The following XKR4 variants were observed in gnomAD, a reference collection of about 807,000 sequenced individuals.
XKR4 encodes XK-related protein 4.
Under a neutral mutation model 53.9 loss-of-function variants are expected in XKR4, and 12 were observed. The ratio of observed to expected loss-of-function variants is 0.22; its 90% CI spans 0.14 to 0.36. XKR4 has a LOEUF of 0.36. Among genes scored for constraint, XKR4 ranks in the 10% least tolerant of loss-of-function variants. The pLI, the probability that XKR4 is intolerant of heterozygous loss-of-function variation, is 1.00. For missense variants in XKR4, 799 were observed against 859.5 expected, an observed-to-expected ratio of 0.93 and a Z score of 0.88; for synonymous variants, 354 against 362.4, an observed-to-expected ratio of 0.98 and a Z score of 0.26.
chr8:55,173,454 T>A (rs773247597), intron 1 of XKR4, among the ~76,000 whole-genome samples: 13 of 152,232 alleles, frequency 8.5e-5, no homozygotes, highest in Non-Finnish European at 1.5e-4. Context: ...ATTCTGTTTC[T>A]GAAAGAACGT....
At chr8:55,150,706 T>C (rs1259467277) in intron 1 of XKR4, among the ~76,000 whole-genome samples, 1 of 152,166 alleles carries the variant, frequency 6.6e-6, no homozygotes, top group Non-Finnish European at 1.5e-5. Context: ...CTTCTAAGCA[T>C]CTCTTATATA....
intron 2 of XKR4, among the ~76,000 whole-genome samples, chr8:55,461,087 A>C (rs1805649254): frequency 6.6e-6 from 1 of 152,244 alleles, no homozygotes; most frequent in Non-Finnish European, 1.5e-5. Flanking sequence ...TAACCTCTGC[A>C]GACTTAAATG....
At chr8:55,211,848 C>A (rs1316486164) in intron 1 of XKR4, among the ~76,000 whole-genome samples, 1 of 152,078 alleles carries the variant, frequency 6.6e-6, no homozygotes, top group South Asian at 2.1e-4. Context: ...GGACCATGGC[C>A]CATGACAGAG....
chr8:55,263,230 C>T (rs762723627), intron 1 of XKR4, among the ~76,000 whole-genome samples: 1 of 152,202 alleles, frequency 6.6e-6, no homozygotes. Flanking sequence ...TGGAGTGTCA[C>T]TACCCCATGT....
intron 1 of XKR4, among the ~76,000 whole-genome samples, chr8:55,267,808 T>C (rs1349772325): frequency 6.6e-6 from 1 of 152,198 alleles, no homozygotes; most frequent in Non-Finnish European, 1.5e-5. Flanking sequence ...ATCTAAGAGC[T>C]TCTTCCATCC....
chr8:55,318,573 C>T (rs952455253), intron 1 of XKR4, among the ~76,000 whole-genome samples: 1 of 152,186 alleles, frequency 6.6e-6, no homozygotes, highest in Admixed American at 6.5e-5. Context: ...TTGCTTTGGG[C>T]TTGCATCACC....
chr8:55,300,777 G>A (rs193255098), intron 1 of XKR4, among the ~76,000 whole-genome samples: 5 of 152,158 alleles, frequency 3.3e-5, no homozygotes, highest in Middle Eastern at 3.4e-3. Context: ...CAGGATGATC[G>A]CCCCAACAAA....
At chr8:55,429,283 G>T (rs964749468) in intron 2 of XKR4, among the ~76,000 whole-genome samples, 2 of 152,030 alleles carry the variant, frequency 1.3e-5, no homozygotes, top group African/African-American at 4.8e-5. Context: ...ATTCAAAATG[G>T]ATAACAGACT....
intron 1 of XKR4, among the ~76,000 whole-genome samples, chr8:55,302,555 G>T (rs1819218516): frequency 6.6e-6 from 1 of 152,056 alleles, no homozygotes; most frequent in South Asian, 2.1e-4. Flanking sequence ...AGCTTGATGG[G>T]GATGGCATTG....
intron 2 of XKR4, among the ~76,000 whole-genome samples, chr8:55,462,727 C>A (rs974409082): frequency 1.3e-4 from 20 of 152,120 alleles, no homozygotes; most frequent in African/African-American, 4.8e-4. Flanking sequence ...ATTCAGGAAA[C>A]CCATCTCACG....
intron 2 of XKR4, among the ~76,000 whole-genome samples, chr8:55,423,607 T>C (rs566430839): frequency 2.0e-5 from 3 of 152,228 alleles, no homozygotes; most frequent in Non-Finnish European, 4.4e-5. Context: ...GATTAAGTGC[T>C]CCTTCTATGC....
chr8:55,131,067 G>A (rs1452165817), intron 1 of XKR4, among the ~76,000 whole-genome samples: 2 of 152,086 alleles, frequency 1.3e-5, no homozygotes, highest in African/African-American at 2.4e-5. Context: ...GCTGAGGCAG[G>A]AGAATCACTT....
At chr8:55,339,295 C>G (rs568309680) in intron 1 of XKR4, among the ~76,000 whole-genome samples, 30 of 152,270 alleles carry the variant, frequency 2.0e-4, no homozygotes, top group African/African-American at 6.7e-4. Context: ...CGTGATCTAA[C>G]CCCCCTACAG....
chr8:55,506,511 C>T (rs1025034310), intron 2 of XKR4, among the ~76,000 whole-genome samples: 1 of 152,142 alleles, frequency 6.6e-6, no homozygotes, highest in Non-Finnish European at 1.5e-5. Flanking sequence ...TGGCTGAAGC[C>T]CTAGGAAGGT....
intron 1 of XKR4, among the ~76,000 whole-genome samples, chr8:55,343,944 GA>G (rs1273967887): frequency 3.5e-4 from 53 of 152,298 alleles, no homozygotes; most frequent in African/African-American, 1.2e-3. Flanking sequence ...CTAAACCTCT[GA>G]AAGCGTTCAG....
At chr8:55,246,685 G>T (rs942602918) in intron 1 of XKR4, among the ~76,000 whole-genome samples, 2 of 151,442 alleles carry the variant, frequency 1.3e-5, no homozygotes, top group African/African-American at 4.9e-5. Flanking sequence ...AGGTTTTGGG[G>T]TCTCAAAAAG....
chr8:55,256,652 A>AG (rs1442362361), intron 1 of XKR4, among the ~76,000 whole-genome samples: 1 of 152,164 alleles, frequency 6.6e-6, no homozygotes, highest in South Asian at 2.1e-4. Context: ...TTTCAGAGGT[A>AG]GGGGGATGAG....
intron 2 of XKR4, among the ~76,000 whole-genome samples, chr8:55,459,341 G>A (rs1348327627): frequency 2.0e-5 from 3 of 152,054 alleles, no homozygotes; most frequent in African/African-American, 7.2e-5. Flanking sequence ...ATAAAACATA[G>A]AAGAAAATCT....
At chr8:55,204,729 C>T (rs1171130403) in intron 1 of XKR4, among the ~76,000 whole-genome samples, 1 of 152,124 alleles carries the variant, frequency 6.6e-6, no homozygotes, top group African/African-American at 2.4e-5. Context: ...ATATTTTGAG[C>T]TGGAATTTCA....
Sources: gnomAD v4.1 joint callset for allele counts (sites outside exome capture counted in the v4.1 genomes callset) on GRCh38, gnomAD v4.1.1 for gene constraint, MANE v1.5 for transcripts, NCBI Gene and HGNC (gene_info 2026-07-23, HGNC 2026-07-21) for gene names.